The following BTBD7 variants were observed in gnomAD, a reference collection of about 807,000 sequenced individuals.
BTBD7 encodes BTB domain containing 7, also known as BTB/POZ domain-containing protein 7.
Under a neutral mutation model 99.9 loss-of-function variants are expected in BTBD7, and 38 were observed. The ratio of observed to expected loss-of-function variants is 0.38; its 90% confidence interval spans 0.29 to 0.50. The LOEUF (loss-of-function observed/expected upper bound fraction) is 0.50. Among genes scored for constraint, BTBD7 ranks in the 20% least tolerant of loss-of-function variants. The probability of loss-of-function intolerance (pLI) is 0.93; values close to 1 mark genes in which losing one functional copy is unlikely to be tolerated. For missense variants in BTBD7, 1,170 were observed against 1,394.6 expected (o/e 0.84, Z 2.57); for synonymous variants, 520 against 511.4 (o/e 1.02, Z -0.23).
chr14:93,328,747 C>T (rs1488489833), intron 1 of BTBD7, among the ~76,000 whole-genome samples: 1 of 151,744 alleles, frequency 6.6e-6, no homozygotes, highest in Non-Finnish European at 1.5e-5. Flanking sequence ...GAGACCCCAT[C>T]TCCTCAGAAA....
In BTBD7 at chr14:93,294,208, T is replaced by C. The variant is rs2052894784; in HGVS notation, c.812A>G (p.Asp271Gly). Residue 271 changes from aspartate (D) to glycine (G), a missense_variant, in exon 3 of 11, where the codon GAT (aspartate) becomes GGT (glycine). Around this residue, in one of 4 missense-constraint regions of BTBD7, gnomAD observed 359 missense variants for 497.9 expected, o/e 0.72. Transcript: ENST00000334746. ...AGCCTTGTGGGCTTTGAGCTCTTCA[T>C]CTAAACAGTTCTGATTTCCACCAAA... ...EAFGGNQNCL[D>G]EELKAHKAVI... is the part of the protein sequence containing the mutation. 1.2e-6 allele frequency: 2 copies of C among 1,613,892 alleles called. No individual in the cohort carries two copies. The highest frequency in any genetic ancestry group is 1.7e-6 in the Non-Finnish European group (2 of 1,179,988).
chr14:93,269,001 C>G (rs1305897064), intron 3 of BTBD7, among the ~76,000 whole-genome samples: 5 of 152,108 alleles, frequency 3.3e-5, no homozygotes, highest in African/African-American at 1.2e-4. Flanking sequence ...TCAGGTGATC[C>G]GCCCGCCTCG....
intron 1 of BTBD7, among the ~76,000 whole-genome samples, chr14:93,305,000 C>T (rs2053054199): frequency 6.6e-6 from 1 of 152,180 alleles, no homozygotes; most frequent in Non-Finnish European, 1.5e-5. Context: ...GAAGACAGTT[C>T]AAATTCCAAA....
intron 3 of BTBD7, among the ~76,000 whole-genome samples, chr14:93,265,689 A>G (rs2139709984): frequency 6.6e-6 from 1 of 152,362 alleles, no homozygotes; most frequent in Non-Finnish European, 1.5e-5. Context: ...TGGGAGGCTG[A>G]GGCAGGTGGA....
At chr14:93,284,842 C>A (rs1231880343) in intron 3 of BTBD7, among the ~76,000 whole-genome samples, 2 of 151,810 alleles carry the variant, frequency 1.3e-5, no homozygotes. Flanking sequence ...CAAAATACCC[C>A]CCAGACAAAT....
At chr14:93,266,185 TGA>T (rs2052541355) in intron 3 of BTBD7, among the ~76,000 whole-genome samples, 1 of 151,826 alleles carries the variant, frequency 6.6e-6, no homozygotes, top group African/African-American at 2.4e-5. Flanking sequence ...TTTCACTGAA[TGA>T]ATGCAAAATG....
intron 5 of BTBD7, among the ~76,000 whole-genome samples, chr14:93,260,958 T>A (rs920850319): frequency 1.3e-5 from 2 of 152,160 alleles, no homozygotes; most frequent in African/African-American, 4.8e-5. Flanking sequence ...TAGTGCAATC[T>A]CAGCTCACTG....
chr14:93,310,318 G>GT (rs1295754615), intron 1 of BTBD7, among the ~76,000 whole-genome samples: 2 of 152,110 alleles, frequency 1.3e-5, no homozygotes, highest in Non-Finnish European at 2.9e-5. Flanking sequence ...TTCTCAAATT[G>GT]TTTTTTCTTT....
At chr14:93,317,981 T>C (rs1446250922) in intron 1 of BTBD7, among the ~76,000 whole-genome samples, 1 of 152,218 alleles carries the variant, frequency 6.6e-6, no homozygotes, top group Non-Finnish European at 1.5e-5. Context: ...TTCACTGGGA[T>C]AAGACTCTTG....
rs1021265156 is a variant in BTBD7 at position 93,240,257 on chromosome 14, G to A, written c.*2016C>T. 1 of 152,682 alleles carries A rather than the reference G, an allele frequency of 6.5e-6. No homozygotes were observed. Among genetic ancestry groups the A allele is most frequent in the Admixed American group, 6.5e-5 (1 of 15,280 alleles). The allele number at this position is 152,682 out of a possible 1,614,324, so 9.5% of individuals were successfully genotyped here. A position where few individuals can be genotyped will look rare whatever the true frequency, so the allele number is the denominator to read the frequency against. On this transcript the variant is annotated 3_prime_UTR_variant, in exon 11 of 11. Coordinates refer to ENST00000334746, the MANE Select transcript of BTBD7 (RefSeq NM_001002860.4). ...CAGCTAACCAGTCAGGCAGCAGAAC[G>A]AGTGGCGGCAGTTTGCCGGGGCGTG...
At chr14:93,295,037 C>T in intron 2 of BTBD7, 100 bp from the exon 3 acceptor site, 2 of 1,145,500 alleles carry the variant, frequency 1.7e-6, no homozygotes, top group Non-Finnish European at 2.4e-6. Context: ...GCAGACATTA[C>T]CGAACCACTC....
chr14:93,290,372 C>T (rs776243838), intron 3 of BTBD7, among the ~76,000 whole-genome samples: 2 of 151,496 alleles, frequency 1.3e-5, no homozygotes, highest in Non-Finnish European at 2.9e-5. Context: ...GCCACCATGC[C>T]CAGCTAATTT....
chr14:93,294,912 G>T lies in BTBD7; in HGVS notation c.108C>A (p.Gly36=), dbSNP rs758853474. Residue 36 remains glycine (G), a synonymous_variant, in exon 3 of 11, where the codon GGC becomes GGA. Transcript: ENST00000334746. The part of the protein sequence containing the change: ...FIGTSSYSQQ[G]YGCESKLYSL... ...TATACAACTTTGATTCGCAACCATA[G>T]CCTTGCTGAGAATAGGATGAGGTCC... 8 of 1,591,106 alleles carry T rather than the reference G, an allele frequency of 5.0e-6. No homozygotes were observed. In the South Asian group the frequency reaches 9.3e-5, roughly 19 times the overall value.
chr14:93,286,166 C>T (rs1292429829), intron 3 of BTBD7, among the ~76,000 whole-genome samples: 1 of 152,196 alleles, frequency 6.6e-6, no homozygotes, highest in Non-Finnish European at 1.5e-5. Flanking sequence ...ATAGTCCCTG[C>T]TTTTCTGTAC....
intron 3 of BTBD7, among the ~76,000 whole-genome samples, chr14:93,282,570 A>G (rs773009828): frequency 1.3e-5 from 2 of 152,080 alleles, no homozygotes; most frequent in East Asian, 1.9e-4. Flanking sequence ...TGACTGCGTG[A>G]TCTGCCTGCC....
intron 3 of BTBD7, 88 bp downstream of exon 3, chr14:93,293,770 G>C: frequency 6.7e-7 from 1 of 1,483,070 alleles, no homozygotes; most frequent in Non-Finnish European, 9.0e-7. Context: ...CCCAAACACT[G>C]AAATCATAGA....
At chr14:93,264,628 C>T (rs565552705) in intron 3 of BTBD7, among the ~76,000 whole-genome samples, 3 of 152,256 alleles carry the variant, frequency 2.0e-5, no homozygotes, top group East Asian at 3.9e-4. Context: ...ACTCAACTCT[C>T]CTCCTTAGGA....
At position 93,294,154 on chromosome 14, in the gene BTBD7, C is replaced by T. The variant is rs765454576; in HGVS notation, c.866G>A (p.Arg289Gln). The change falls in exon 3 of 11, where the codon CGA (arginine) becomes CAA (glutamine). Residue 289 changes from arginine (R) to glutamine (Q), a missense_variant. Physicochemically the swap from Arg to Gln is conservative, Grantham distance 43 (BLOSUM62 1). Around this residue, in one of 4 missense-constraint regions of BTBD7, gnomAD observed 359 missense variants for 497.9 expected, o/e 0.72. Coordinates refer to ENST00000334746, the MANE Select transcript of BTBD7 (RefSeq NM_001002860.4). The stretch of plus-strand genomic sequence containing the variant: ...TCGTATCCTCCTTTGTAATAAATTT[C>T]GAAAAAATGGGGACCGTGCAGAAAT... The part of the protein sequence containing the change: ...AVISARSPFF[R>Q]NLLQRRIRTG... 48 of 1,613,474 alleles carry T rather than the reference C, an allele frequency of 3.0e-5. No individual in the cohort carries two copies. The highest frequency in any genetic ancestry group is 3.4e-5 in the Non-Finnish European group (40 of 1,179,884).
intron 9 of BTBD7, 117 bp downstream of exon 9, chr14:93,248,359 G>A: frequency 9.2e-7 from 1 of 1,082,806 alleles, no homozygotes; most frequent in Non-Finnish European, 1.3e-6. Context: ...ACCAAAGGCA[G>A]TGAAAAAGCA....
Sources: gnomAD v4.1 joint callset for allele counts (sites outside exome capture counted in the v4.1 genomes callset) on GRCh38, gnomAD v4.1.1 for gene constraint, gnomAD v4.1.1 regional missense constraint, MANE v1.5 for transcripts, NCBI Gene and HGNC (gene_info 2026-07-23, HGNC 2026-07-21) for gene names.